The following PTBP3 variants were observed in gnomAD, a reference collection of about 807,000 sequenced individuals.
PTBP3 encodes the protein polypyrimidine tract binding protein 3, also known as polypyrimidine tract-binding protein 3.
In PTBP3, 20 loss-of-function variants were observed where a neutral mutation model predicts 58.7. That is an observed-to-expected ratio of 0.34 (90% CI 0.24 to 0.50). The LOEUF is 0.50. Ranked by LOEUF, PTBP3 falls within the 20% of genes least tolerant of loss-of-function variation. The probability of loss-of-function intolerance (pLI) is 0.98; values close to 1 mark genes in which losing one functional copy is unlikely to be tolerated. For synonymous variants in PTBP3, 185 were observed against 219.8 expected, an observed-to-expected ratio of 0.84 and a Z score of 1.40; for missense variants, 509 against 637.2, an observed-to-expected ratio of 0.80 and a Z score of 2.17.
chr9:112,279,068 G>A (rs1827746701), intron 2 of PTBP3, among the ~76,000 whole-genome samples: 1 of 152,116 alleles, frequency 6.6e-6, no homozygotes, highest in East Asian at 1.9e-4. Context: ...ATCTAAGAAC[G>A]ACTCATTTAG....
the PTBP3 span, among the ~76,000 whole-genome samples, chr9:112,349,022 C>T: frequency 6.6e-6 from 1 of 152,126 alleles, no homozygotes; most frequent in Non-Finnish European, 1.5e-5. Context: ...TCACGGACTT[C>T]CTAAAACCCT....
At chr9:112,332,971 C>G (rs1484618294) in intron 1 of PTBP3, 1 of 1,415,800 alleles carries the variant, frequency 7.1e-7, no homozygotes, top group Non-Finnish European at 9.3e-7. Context: ...GCGACCAGGT[C>G]GCCGCCCAGA....
At chr9:112,267,215 G>C (rs933981047) in intron 4 of PTBP3, among the ~76,000 whole-genome samples, 2 of 150,362 alleles carry the variant, frequency 1.3e-5, no homozygotes, top group Non-Finnish European at 2.9e-5. Flanking sequence ...ACCCAGGCTG[G>C]AGTGCAGTGG....
At chr9:112,304,451 T>C (rs570780807) in intron 1 of PTBP3, among the ~76,000 whole-genome samples, 152 of 152,386 alleles carry the variant, frequency 1.0e-3, no homozygotes, top group Non-Finnish European at 2.0e-3. Flanking sequence ...TCATATTTCA[T>C]TTTGATAAAT....
chr9:112,253,921 T>A (rs1025937697), intron 5 of PTBP3, among the ~76,000 whole-genome samples: 34 of 152,280 alleles, frequency 2.2e-4, no homozygotes, highest in Non-Finnish European at 7.4e-5. Flanking sequence ...TTTATAGCAG[T>A]GTGAAAATGA....
chr9:112,322,134 C>CAAAAAAAAAA (rs149553072), intron 1 of PTBP3, among the ~76,000 whole-genome samples: 4 of 68,356 alleles, frequency 5.9e-5, no homozygotes, highest in African/African-American at 1.3e-4. Flanking sequence ...GACTCCATCT[C>CAAAAAAAAAA]AAAAAAAAAA....
upstream of PTBP3, among the ~76,000 whole-genome samples, chr9:112,335,308 C>T (rs534430849): frequency 5.5e-4 from 83 of 151,304 alleles, no homozygotes; most frequent in South Asian, 2.3e-3. Flanking sequence ...TGTTTTGAGA[C>T]GGAGTCTTGC....
chr9:112,357,026 C>CCCGCCA, the PTBP3 span, among the ~76,000 whole-genome samples: 1 of 151,824 alleles, frequency 6.6e-6, no homozygotes, highest in East Asian at 1.9e-4. Flanking sequence ...ATTATAGGCA[C>CCCGCCA]CCGCCACCAC....
intron 4 of PTBP3, among the ~76,000 whole-genome samples, chr9:112,265,506 A>G (rs1836765533): frequency 6.6e-6 from 1 of 152,102 alleles, no homozygotes; most frequent in African/African-American, 2.4e-5. Context: ...CTGGACAAAG[A>G]GCAAAATTCT....
At chr9:112,241,869 ATTTTATAGAAATATAT>A (rs1564399050) in intron 7 of PTBP3, among the ~76,000 whole-genome samples, 1 of 152,178 alleles carries the variant, frequency 6.6e-6, no homozygotes, top group African/African-American at 2.4e-5. Context: ...ATTAGTTTGC[ATTTTATAGAAATATAT>A]ACAAACAGAA....
At chr9:112,292,140 G>A (rs751029690) in intron 2 of PTBP3, among the ~76,000 whole-genome samples, 93 of 152,220 alleles carry the variant, frequency 6.1e-4, no homozygotes, top group Admixed American at 1.6e-3. Flanking sequence ...ACATTTCTCT[G>A]AAGAAGATAT....
intron 1 of PTBP3, 76 bp downstream of exon 1, chr9:112,333,394 T>C: frequency 6.6e-7 from 1 of 1,519,358 alleles, no homozygotes; most frequent in Admixed American, 1.9e-5. Context: ...CCCCAGCCCT[T>C]ACGCGTCCCG....
chr9:112,340,237 A>G, the PTBP3 span, among the ~76,000 whole-genome samples: 2 of 152,224 alleles, frequency 1.3e-5, no homozygotes, highest in Non-Finnish European at 2.9e-5. Context: ...CCTTGCAAAG[A>G]CAATCTTCCT....
At chr9:112,269,848 T>C (rs1161220006) in intron 3 of PTBP3, among the ~76,000 whole-genome samples, 3 of 152,216 alleles carry the variant, frequency 2.0e-5, no homozygotes, top group African/African-American at 2.4e-5. Flanking sequence ...GTGCACACTT[T>C]AGATTTGCCT....
At chr9:112,255,498 G>A (rs181018969) in intron 5 of PTBP3, among the ~76,000 whole-genome samples, 1 of 151,992 alleles carries the variant, frequency 6.6e-6, no homozygotes, top group African/African-American at 2.4e-5. Context: ...AAAAAGGTTG[G>A]GGGTGTAATA....
At chr9:112,303,040 A>C (rs1184453799) in intron 1 of PTBP3, among the ~76,000 whole-genome samples, 1 of 152,182 alleles carries the variant, frequency 6.6e-6, no homozygotes, top group Non-Finnish European at 1.5e-5. Context: ...CATTAATGTG[A>C]AATTATTCCA....
intron 2 of PTBP3, among the ~76,000 whole-genome samples, chr9:112,280,252 A>C (rs761365170): frequency 1.3e-5 from 2 of 152,094 alleles, no homozygotes; most frequent in Admixed American, 1.3e-4. Flanking sequence ...ACGTGGTTTC[A>C]CCAAGTTGGC....
chr9:112,267,117 T>C (rs1387399452), intron 4 of PTBP3, among the ~76,000 whole-genome samples: 1 of 151,576 alleles, frequency 6.6e-6, no homozygotes, highest in Non-Finnish European at 1.5e-5. Context: ...AGAGCAAGAA[T>C]ACAGAGGCCA....
At chr9:112,283,055 G>A (rs1229188146) in intron 2 of PTBP3, among the ~76,000 whole-genome samples, 1 of 152,172 alleles carries the variant, frequency 6.6e-6, no homozygotes, top group East Asian at 1.9e-4. Flanking sequence ...TGCCATGATT[G>A]TAAATTTCCT....
Sources: allele counts gnomAD v4.1 joint callset (sites outside exome capture counted in the v4.1 genomes callset), GRCh38; gene constraint gnomAD v4.1.1; transcripts MANE v1.5; gene names NCBI Gene and HGNC (gene_info 2026-07-23, HGNC 2026-07-21).